Variants in MCF2L2 observed in about 807,000 individuals in gnomAD.
MCF2L2 encodes probable guanine nucleotide exchange factor MCF2L2.
Under a neutral mutation model 150.2 loss-of-function variants are expected in MCF2L2, and 102 were observed. The observed-to-expected ratio is 0.68, with a 90% CI of 0.58 to 0.80. The LOEUF (loss-of-function observed/expected upper bound fraction) is 0.80. Among genes scored for constraint, MCF2L2 ranks in the 30% least tolerant of loss-of-function variants. MCF2L2 has a pLI of 0.00. For missense variants in MCF2L2, 1,256 were observed against 1,372.8 expected (o/e 0.91, Z 1.34); for synonymous variants, 465 against 491.3 (o/e 0.95, Z 0.71).
chr3:183,193,058 T>A lies in MCF2L2; in HGVS notation c.2957A>T (p.Asn986Ile), dbSNP rs752853028. ...CTTGCTAGTGGTAGCTCTTTCCATA[T>A]TTTTAATCCATGGTCCGGATCCTGC... ...SGAGSGPWIKNMERATTSKED... is the reference protein window; with the variant it reads ...SGAGSGPWIKIMERATTSKED... The change falls in exon 27 of 30, where the codon AAT becomes ATT. Residue 986 changes from asparagine to isoleucine, a missense_variant. Coordinates refer to ENST00000328913, the MANE Select transcript of MCF2L2 (RefSeq NM_015078.4). 6.8e-6 allele frequency: 11 copies of A among 1,614,048 alleles called. No individual in the cohort carries two copies. The African/African-American group carries it at 1.2e-4, about 18-fold the overall frequency.
intron 15 of MCF2L2, chr3:183,272,097 C>A: frequency 1.1e-6 from 1 of 939,082 alleles, no homozygotes; most frequent in South Asian, 5.0e-5. Flanking sequence ...AACTTGAAAA[C>A]AGAGTAAAAA....
intron 10 of MCF2L2, among the ~76,000 whole-genome samples, chr3:183,302,248 A>G (rs1313489006): frequency 2.0e-5 from 3 of 152,168 alleles, no homozygotes; most frequent in Non-Finnish European, 4.4e-5. Context: ...TTTGCTTAGT[A>G]CTTTCTCATC....
chr3:183,293,190 A>T (rs1728264228), intron 13 of MCF2L2, among the ~76,000 whole-genome samples: 1 of 152,238 alleles, frequency 6.6e-6, no homozygotes, highest in South Asian at 2.1e-4. Flanking sequence ...AGCATGAGAA[A>T]ACTGGAATGG....
At chr3:183,255,124 G>C (rs6768556) in intron 15 of MCF2L2, among the ~76,000 whole-genome samples, 24,250 of 152,118 alleles carry the variant, frequency 0.16, 4,638 homozygotes, top group African/African-American at 0.46. Flanking sequence ...GGATTTGTGC[G>C]TCTGTGCCTT....
intron 26 of MCF2L2, among the ~76,000 whole-genome samples, chr3:183,194,691 A>G (rs938066332): frequency 6.6e-6 from 1 of 152,196 alleles, no homozygotes; most frequent in African/African-American, 2.4e-5. Context: ...CCTAGCTAGC[A>G]GTGGGGTTGG....
At chr3:183,325,502 T>G (rs902357538) in intron 5 of MCF2L2, among the ~76,000 whole-genome samples, 1 of 152,180 alleles carries the variant, frequency 6.6e-6, no homozygotes, top group East Asian at 1.9e-4. Context: ...CTTTCCCACC[T>G]AAAAATTTTA....
intron 1 of MCF2L2, among the ~76,000 whole-genome samples, chr3:183,424,955 T>C (rs1716083613): frequency 6.6e-6 from 1 of 152,106 alleles, no homozygotes; most frequent in Non-Finnish European, 1.5e-5. Context: ...GCTAGAACTT[T>C]ATAGGCCAAA....
intron 15 of MCF2L2, chr3:183,253,917 C>T (rs1040704366): frequency 2.6e-5 from 4 of 152,228 alleles, no homozygotes; most frequent in Non-Finnish European, 5.9e-5. Flanking sequence ...GCTTCCTTTC[C>T]GGATCGCTAA....
At chr3:183,251,555 C>G (rs1239284491) in intron 15 of MCF2L2, among the ~76,000 whole-genome samples, 2 of 152,212 alleles carry the variant, frequency 1.3e-5, no homozygotes, top group Non-Finnish European at 2.9e-5. Context: ...ACAGGGCTCT[C>G]TGCTTACCAG....
chr3:183,323,924 C>A (rs1729921900), intron 5 of MCF2L2, among the ~76,000 whole-genome samples: 1 of 151,918 alleles, frequency 6.6e-6, no homozygotes, highest in South Asian at 2.1e-4. Context: ...GCTCAGGGAA[C>A]ACAGTTCCAG....
At chr3:183,308,402 T>A (rs1225227104) in intron 10 of MCF2L2, among the ~76,000 whole-genome samples, 1 of 152,238 alleles carries the variant, frequency 6.6e-6, no homozygotes, top group Non-Finnish European at 1.5e-5. Flanking sequence ...GTTGGGGCTG[T>A]CCTGGAGAAT....
intron 22 of MCF2L2, among the ~76,000 whole-genome samples, chr3:183,212,162 A>T (rs1168913835): frequency 6.6e-6 from 1 of 152,198 alleles, no homozygotes; most frequent in African/African-American, 2.4e-5. Flanking sequence ...GAGGTAAGGA[A>T]GGATTCTTCC....
chr3:183,391,261 C>CT (rs145569248), intron 1 of MCF2L2, among the ~76,000 whole-genome samples: 26,627 of 144,922 alleles, frequency 0.18, 3,009 homozygotes, highest in African/African-American at 0.32. Flanking sequence ...TTCTAAAAGC[C>CT]TTTTTTTGTT....
chr3:183,201,057 G>A (rs147384462), intron 25 of MCF2L2, among the ~76,000 whole-genome samples: 3,356 of 152,230 alleles, frequency 0.022, 123 homozygotes, highest in African/African-American at 0.075. Flanking sequence ...GTCAGGTAGC[G>A]TGATGCCTCC....
At position 183,310,992 on chromosome 3, in the gene MCF2L2, T is replaced by C. The variant is rs1729349641; in HGVS notation, c.916A>G (p.Ser306Gly). ...AGATGATGCTCAGACCAAAAGTGAC[T>C]AAAGGCTTTTTCTGTTTCATCCAGT... is the stretch of plus-strand genomic sequence containing the variant. ...VQLDETEKAFSHFWSEHHLKL... is the reference protein window; with the variant it reads ...VQLDETEKAFGHFWSEHHLKL... Residue 306 changes from serine (S) to glycine (G), a missense_variant, in exon 9 of 30, where the codon AGT (serine) becomes GGT (glycine). Physicochemically the swap from Ser to Gly is moderately conservative, Grantham distance 56. Transcript: ENST00000328913. 6.2e-7 allele frequency: 1 copy of C among 1,613,778 alleles called. No individual in the cohort carries two copies. The highest frequency in any genetic ancestry group is 1.7e-4 in the Middle Eastern group (1 of 6,056).
At chr3:183,302,306 G>A (rs566218893) in intron 10 of MCF2L2, among the ~76,000 whole-genome samples, 17 of 152,276 alleles carry the variant, frequency 1.1e-4, no homozygotes, top group Admixed American at 9.8e-4. Context: ...TCCTCCTAGT[G>A]AATCTTCGAA....
At chr3:183,211,714 G>C (rs1161234683) in intron 22 of MCF2L2, among the ~76,000 whole-genome samples, 1 of 152,208 alleles carries the variant, frequency 6.6e-6, no homozygotes, top group Non-Finnish European at 1.5e-5. Flanking sequence ...TCAGATACGT[G>C]TTCACCAGTA....
At chr3:183,357,438 C>T (rs1245056427) in intron 3 of MCF2L2, among the ~76,000 whole-genome samples, 1 of 152,120 alleles carries the variant, frequency 6.6e-6, no homozygotes, top group Admixed American at 6.5e-5. Flanking sequence ...ACTTTAAGTG[C>T]AAAGATACAG....
intron 27 of MCF2L2, among the ~76,000 whole-genome samples, chr3:183,187,990 G>T (rs748232507): frequency 6.6e-6 from 1 of 152,324 alleles, no homozygotes; most frequent in East Asian, 1.9e-4. Flanking sequence ...GGTCCTAGTC[G>T]TGGTGAGGAG....
Sources: gnomAD v4.1 joint callset for allele counts (sites outside exome capture counted in the v4.1 genomes callset) on GRCh38, gnomAD v4.1.1 for gene constraint, MANE v1.5 for transcripts, NCBI Gene and HGNC (gene_info 2026-07-23, HGNC 2026-07-21) for gene names.